The following DISP1 variants were observed in gnomAD, a reference collection of about 807,000 sequenced individuals.
DISP1 encodes the protein dispatched RND transporter family member 1.
A neutral mutation model predicts 37.3 loss-of-function variants in DISP1; 30 were observed. The ratio of observed to expected loss-of-function variants is 0.80; its 90% CI spans 0.60 to 1.09. DISP1 has a LOEUF of 1.09. Among genes scored for constraint, DISP1 ranks in the 50% least tolerant of loss-of-function variants. DISP1 has a pLI of 0.00. For missense variants in DISP1, 1,598 were observed against 1,879.5 expected (o/e 0.85, Z 2.77); for synonymous variants, 634 against 690.2 (o/e 0.92, Z 1.28).
At chr1:222,898,498 A>G (rs1401013270) in intron 1 of DISP1, among the ~76,000 whole-genome samples, 2 of 150,904 alleles carry the variant, frequency 1.3e-5, no homozygotes, top group Non-Finnish European at 2.9e-5. Flanking sequence ...TCAGGAATAT[A>G]TTAATACACT....
chr1:222,964,389 G>C (rs1397221736), intron 3 of DISP1, among the ~76,000 whole-genome samples: 2 of 151,998 alleles, frequency 1.3e-5, no homozygotes, highest in Non-Finnish European at 2.9e-5. Flanking sequence ...CTGATTCGAA[G>C]CCTTCCTCTT....
chr1:222,982,493 G>C (rs1056633284), intron 3 of DISP1, among the ~76,000 whole-genome samples: 2 of 152,190 alleles, frequency 1.3e-5, no homozygotes, highest in Non-Finnish European at 2.9e-5. Context: ...TATCTGGGAG[G>C]CAAGGTACAA....
At chr1:222,890,826 G>C (rs949933332) in intron 1 of DISP1, among the ~76,000 whole-genome samples, 2 of 151,972 alleles carry the variant, frequency 1.3e-5, no homozygotes, top group African/African-American at 2.4e-5. Flanking sequence ...GGTGTTACTT[G>C]GTTTGTAGAC....
chr1:222,964,515 C>T (rs893604051), intron 3 of DISP1, among the ~76,000 whole-genome samples: 9 of 152,068 alleles, frequency 5.9e-5, no homozygotes, highest in African/African-American at 9.7e-5. Flanking sequence ...GTGCTTACTA[C>T]GTAGCAGGTG....
intron 1 of DISP1, among the ~76,000 whole-genome samples, chr1:222,902,150 A>G (rs1029132749): frequency 2.0e-5 from 3 of 151,802 alleles, no homozygotes; most frequent in Non-Finnish European, 4.4e-5. Context: ...TTGTGTCTCT[A>G]TTTCCTTCAG....
chr1:222,826,377 C>CTTTTTTTT (rs376799233), intron 1 of DISP1, among the ~76,000 whole-genome samples: 1 of 110,392 alleles, frequency 9.1e-6, no homozygotes, highest in Non-Finnish European at 1.8e-5. Flanking sequence ...CACTTTAATA[C>CTTTTTTTT]TTTTTTTTTT....
At chr1:222,862,744 G>A (rs1252781178) in intron 1 of DISP1, among the ~76,000 whole-genome samples, 1 of 152,036 alleles carries the variant, frequency 6.6e-6, no homozygotes, top group African/African-American at 2.4e-5. Flanking sequence ...TGTTGCCCAG[G>A]CTGGTCTTCA....
chr1:222,869,870 T>A (rs1251891331), intron 1 of DISP1, among the ~76,000 whole-genome samples: 2 of 152,102 alleles, frequency 1.3e-5, no homozygotes, highest in African/African-American at 2.4e-5. Flanking sequence ...ACATGTGACG[T>A]GTTGGTGTGC....
intron 1 of DISP1, among the ~76,000 whole-genome samples, chr1:222,926,430 C>G (rs1673088451): frequency 6.6e-6 from 1 of 152,140 alleles, no homozygotes; most frequent in Admixed American, 6.5e-5. Flanking sequence ...TATATACAGT[C>G]AGTTCTCATT....
In DISP1 at chr1:222,983,820, T is replaced by C. The variant is rs1186808722; in HGVS notation, c.539+711T>C. On this transcript the variant is annotated intron_variant, in intron 4 of 8. Transcript: ENST00000675850. ...ATGGAAGTATTCTTTTATGTGGAAATGTCTAAGGCTTATCTTTCAATAGAG... is the reference window on the plus strand; with the variant it reads ...ATGGAAGTATTCTTTTATGTGGAAACGTCTAAGGCTTATCTTTCAATAGAG... Among the ~76,000 whole-genome samples the C allele has an allele frequency of 2.0e-5, 3 of 152,188 alleles. No individual in the cohort carries two copies. In the East Asian group the frequency reaches 5.8e-4, roughly 29 times the overall value.
At chr1:222,864,334 A>G (rs1291625326) in intron 1 of DISP1, among the ~76,000 whole-genome samples, 2 of 152,350 alleles carry the variant, frequency 1.3e-5, no homozygotes, top group Non-Finnish European at 2.9e-5. Flanking sequence ...GCATTATCTC[A>G]GTATATATTC....
chr1:222,997,865 T>C (rs980359530), intron 8 of DISP1, among the ~76,000 whole-genome samples: 1 of 150,952 alleles, frequency 6.6e-6, no homozygotes, highest in African/African-American at 2.5e-5. Context: ...ACTCAAGACA[T>C]GTGTCAAAAT....
At chr1:222,892,216 T>C (rs1670981608) in intron 1 of DISP1, among the ~76,000 whole-genome samples, 1 of 152,188 alleles carries the variant, frequency 6.6e-6, no homozygotes, top group Admixed American at 6.5e-5. Flanking sequence ...ATTAAATTCA[T>C]GGACATCAAG....
chr1:222,823,971 T>TC (rs1306748399), intron 1 of DISP1: 1 of 152,024 alleles, frequency 6.6e-6, no homozygotes, highest in Non-Finnish European at 1.5e-5. Flanking sequence ...ATACGTTTTT[T>TC]CTCCCTCCAG....
At chr1:222,991,112 T>C (rs548188378) in intron 5 of DISP1, among the ~76,000 whole-genome samples, 120 of 152,338 alleles carry the variant, frequency 7.9e-4, no homozygotes, top group African/African-American at 2.8e-3. Flanking sequence ...ACAGAGTCTG[T>C]TTTTAAGTAA....
intron 1 of DISP1, among the ~76,000 whole-genome samples, chr1:222,911,923 T>A (rs1195823634): frequency 6.6e-6 from 1 of 152,198 alleles, no homozygotes; most frequent in Non-Finnish European, 1.5e-5. Context: ...AACCAAATCA[T>A]GTTGCTTATG....
chr1:222,972,680 T>C (rs1677048135), intron 3 of DISP1, among the ~76,000 whole-genome samples: 1 of 152,214 alleles, frequency 6.6e-6, no homozygotes, highest in Admixed American at 6.5e-5. Flanking sequence ...TTCTGTTTCT[T>C]AGGTCAAGTT....
intron 1 of DISP1, among the ~76,000 whole-genome samples, chr1:222,874,782 CT>C (rs1224069244): frequency 1.1e-4 from 17 of 152,182 alleles, no homozygotes; most frequent in Admixed American, 3.3e-4. Flanking sequence ...CTCCGTCCAG[CT>C]TTGTTCCGTT....
At position 223,003,814 on chromosome 1, in the gene DISP1, G is replaced by C; in HGVS notation, c.2417G>C (p.Ser806Thr). ...AATGGCAACCCACTAAATCCCAAGAGTAAAGGGAAGTTGACATTAGATAGC... is the reference window on the plus strand; with the variant it reads ...AATGGCAACCCACTAAATCCCAAGACTAAAGGGAAGTTGACATTAGATAGC... ...EDNGNPLNPK[S>T]KGKLTLDSSF... Residue 806 changes from serine to threonine, a missense_variant, in exon 9 of 9, where the codon AGT becomes ACT. By Grantham distance (58) the Ser-to-Thr change is moderately conservative. Transcript: ENST00000675850. This position sits in a 1 kb window ranked among gnomAD's most constrained non-coding sequence, Gnocchi z 4.3. 6.2e-7 allele frequency: 1 copy of C among 1,614,200 alleles called. No individual in the cohort carries two copies. Among genetic ancestry groups the C allele is most frequent in the Non-Finnish European group, 8.5e-7 (1 of 1,180,036 alleles).
Sources: gnomAD v4.1 joint callset for allele counts (sites outside exome capture counted in the v4.1 genomes callset) on GRCh38, gnomAD v4.1.1 for gene constraint, Gnocchi (gnomAD v3.1) non-coding constraint, MANE v1.5 for transcripts, NCBI Gene and HGNC (gene_info 2026-07-23, HGNC 2026-07-21) for gene names.